Variants in PHLDB2 observed in about 807,000 individuals in gnomAD.
PHLDB2 encodes pleckstrin homology-like domain family B member 2.
Under a neutral mutation model 123.6 loss-of-function variants are expected in PHLDB2, and 71 were observed. The ratio of observed to expected loss-of-function variants is 0.57; its 90% CI spans 0.47 to 0.70. The LOEUF (loss-of-function observed/expected upper bound fraction) is 0.70. Ranked by LOEUF, PHLDB2 falls within the 30% of genes least tolerant of loss-of-function variation. The probability of loss-of-function intolerance (pLI) is 0.00; values close to 1 mark genes in which losing one functional copy is unlikely to be tolerated. For synonymous variants in PHLDB2, 547 were observed against 541.6 expected (o/e 1.01, Z -0.14); for missense variants, 1,446 against 1,519.5 (o/e 0.95, Z 0.80).
At chr3:111,757,018 A>G (rs1215240835) in intron 1 of PHLDB2, among the ~76,000 whole-genome samples, 2 of 152,164 alleles carry the variant, frequency 1.3e-5, no homozygotes, top group Non-Finnish European at 2.9e-5. Flanking sequence ...CTAGAGATCC[A>G]CTGTTAGTCT....
chr3:111,966,984 T>A (rs1489589600), intron 14 of PHLDB2, among the ~76,000 whole-genome samples: 1 of 152,140 alleles, frequency 6.6e-6, no homozygotes, highest in Non-Finnish European at 1.5e-5. Context: ...TTTTGTTTTT[T>A]GTTTTTGTTT....
At chr3:111,963,770 A>C (rs1056107906) in intron 13 of PHLDB2, among the ~76,000 whole-genome samples, 1 of 152,254 alleles carries the variant, frequency 6.6e-6, no homozygotes, top group South Asian at 2.1e-4. Flanking sequence ...ATTTTAGTAC[A>C]TAAGTTAAAA....
At chr3:111,806,728 C>T (rs902166720) in intron 1 of PHLDB2, among the ~76,000 whole-genome samples, 2 of 152,078 alleles carry the variant, frequency 1.3e-5, no homozygotes, top group Non-Finnish European at 2.9e-5. Flanking sequence ...TCAGGTGATC[C>T]GCCTGCCTCG....
At chr3:111,796,632 C>A (rs1363913542) in intron 1 of PHLDB2, among the ~76,000 whole-genome samples, 3 of 152,162 alleles carry the variant, frequency 2.0e-5, no homozygotes, top group Non-Finnish European at 4.4e-5. Context: ...CTCCTGGATT[C>A]AAGCGATTTT....
At chr3:111,794,246 C>T (rs553920558) in intron 1 of PHLDB2, among the ~76,000 whole-genome samples, 2 of 152,232 alleles carry the variant, frequency 1.3e-5, no homozygotes, top group East Asian at 3.9e-4. Flanking sequence ...CCGATTTCTG[C>T]CCTGCTTTAC....
chr3:111,923,043 C>T (rs947987179), intron 5 of PHLDB2, among the ~76,000 whole-genome samples: 1 of 152,144 alleles, frequency 6.6e-6, no homozygotes, highest in Non-Finnish European at 1.5e-5. Flanking sequence ...ACTACTTTAT[C>T]GATTAACGAT....
intron 5 of PHLDB2, among the ~76,000 whole-genome samples, chr3:111,930,543 C>T (rs534124469): frequency 6.6e-6 from 1 of 152,032 alleles, no homozygotes; most frequent in South Asian, 2.1e-4. Flanking sequence ...CTTTGATGCA[C>T]ACACATAGGA....
rs1442955478 is a variant in PHLDB2 at position 111,932,416 on chromosome 3, T to A, written c.2130+19T>A. ...GAAGAGGGTCAGTAGCAAACAGGAA[T>A]GCACCAGTTATTTTGCTTTTCGTTT... On this transcript the variant is annotated intron_variant, in intron 6 of 17. Coordinates refer to ENST00000431670, the MANE Select transcript of PHLDB2 (RefSeq NM_001134438.2). 6.5e-7 allele frequency: 1 copy of A among 1,534,732 alleles called. No homozygotes were observed. The highest frequency in any genetic ancestry group is 1.2e-5 in the South Asian group (1 of 80,782).
rs1350949380 is a variant in PHLDB2 at position 111,967,803 on chromosome 3, A to G, written c.3294A>G (p.Ile1098Met). 3 of 1,611,162 alleles carry G rather than the reference A, an allele frequency of 1.9e-6. No individual in the cohort carries two copies. Among genetic ancestry groups the G allele is most frequent in the Non-Finnish European group, 2.5e-6 (3 of 1,179,078 alleles). ...RQKLIEKEVK[I>M]RERQRAQARP... Reference sequence around the variant, plus strand: ...AGTTAATAGAAAAGGAAGTAAAAATAAGGGAGAGACAAAGGGCACAGGTTG... The same window carrying G: ...AGTTAATAGAAAAGGAAGTAAAAATGAGGGAGAGACAAAGGGCACAGGTTG... The change falls in exon 15 of 18, where the codon ATA becomes ATG. Residue 1098 changes from isoleucine to methionine, a missense_variant. By Grantham distance (10) the Ile-to-Met change is conservative. Transcript: ENST00000431670.
chr3:111,873,794 G>T (rs901616767), intron 1 of PHLDB2, among the ~76,000 whole-genome samples: 1 of 151,698 alleles, frequency 6.6e-6, no homozygotes, highest in African/African-American at 2.4e-5. Flanking sequence ...GATTTTTTTT[G>T]TAGCCACACC....
intron 2 of PHLDB2, among the ~76,000 whole-genome samples, chr3:111,892,211 T>C (rs2066544653): frequency 6.6e-6 from 1 of 152,232 alleles, no homozygotes; most frequent in Admixed American, 6.5e-5. Context: ...TAAGGTTGGC[T>C]TTCTTTTAAG....
At chr3:111,924,733 A>G (rs1349723516) in intron 5 of PHLDB2, among the ~76,000 whole-genome samples, 1 of 152,258 alleles carries the variant, frequency 6.6e-6, no homozygotes, top group Non-Finnish European at 1.5e-5. Context: ...TGTTAATAGT[A>G]CATCCTGTAA....
intron 5 of PHLDB2, among the ~76,000 whole-genome samples, chr3:111,931,551 C>T (rs1338778438): frequency 6.6e-6 from 1 of 152,020 alleles, no homozygotes; most frequent in Non-Finnish European, 1.5e-5. Flanking sequence ...TTATGTCAGT[C>T]GTTGTGGGAA....
Position 111,949,101 on chromosome 3 carries a change from T to C in PHLDB2, c.2631+26T>C, listed in dbSNP as rs2070522042. 3.1e-6 allele frequency: 5 copies of C among 1,609,822 alleles called. No individual in the cohort carries two copies. The South Asian group carries it at 3.3e-5, about 11-fold the overall frequency. ...GTGTGTAGGCATGACGTTTCATTCA[T>C]TCACTGCTTTTCTTCATGTCAGAAA... On this transcript the variant is annotated intron_variant, in intron 10 of 17. Transcript: ENST00000431670.
chr3:111,782,450 G>T (rs570228695), intron 1 of PHLDB2, among the ~76,000 whole-genome samples: 8 of 152,182 alleles, frequency 5.3e-5, no homozygotes, highest in South Asian at 2.1e-4. Context: ...GAGCTCAAAA[G>T]CTCAAGCTTG....
intron 1 of PHLDB2, among the ~76,000 whole-genome samples, chr3:111,811,982 T>C (rs992391185): frequency 6.6e-6 from 1 of 152,180 alleles, no homozygotes; most frequent in Non-Finnish European, 1.5e-5. Context: ...AGAAAATTGC[T>C]TGGAATGTTC....
chr3:111,732,499 AC>A, exon 1 of PHLDB2: 1 of 904,208 alleles, frequency 1.1e-6, no homozygotes, highest in Non-Finnish European at 1.7e-6. Flanking sequence ...GCTGCCTGTG[AC>A]CACAGTCTGC....
chr3:111,756,040 T>C (rs552417157), intron 1 of PHLDB2, among the ~76,000 whole-genome samples: 1 of 152,228 alleles, frequency 6.6e-6, no homozygotes, highest in African/African-American at 2.4e-5. Context: ...TTTCTGTTCT[T>C]TTACATTTGC....
chr3:111,796,488 C>T (rs954624544), intron 1 of PHLDB2, among the ~76,000 whole-genome samples: 1 of 152,118 alleles, frequency 6.6e-6, no homozygotes, highest in Admixed American at 6.5e-5. Context: ...CCCATTTGTT[C>T]GCTTCTAACA....
Sources: allele counts gnomAD v4.1 joint callset (sites outside exome capture counted in the v4.1 genomes callset), GRCh38; gene constraint gnomAD v4.1.1; transcripts MANE v1.5; gene names NCBI Gene and HGNC (gene_info 2026-07-23, HGNC 2026-07-21).